Variants in KCNK15 observed in about 807,000 individuals in gnomAD.
The protein encoded by KCNK15 is potassium two pore domain channel subfamily K member 15, also known as potassium channel subfamily K member 15.
Under a neutral mutation model 8.5 loss-of-function variants are expected in KCNK15, and 9 were observed. The ratio of observed to expected loss-of-function variants is 1.06; its 90% confidence interval spans 0.64 to 1.85. The LOEUF (loss-of-function observed/expected upper bound fraction) is 1.85. Among genes scored for constraint, KCNK15 ranks in the 40% most tolerant of loss-of-function variants. The pLI, the probability that KCNK15 is intolerant of heterozygous loss-of-function variation, is 0.00. For synonymous variants in KCNK15, 224 were observed against 232.7 expected, an observed-to-expected ratio of 0.96 and a Z score of 0.34; for missense variants, 467 against 476.8, an observed-to-expected ratio of 0.98 and a Z score of 0.19.
chr20:44,748,171 TAA>T lies in KCNK15; in HGVS notation c.284-1956_284-1955del, dbSNP rs543508465. Among the ~76,000 whole-genome samples the T allele has an allele frequency of 4.6e-5, 7 of 152,268 alleles. No individual in the cohort carries two copies. In the South Asian group the frequency reaches 1.2e-3, roughly 27 times the overall value. ...CAAACAGCTGGAAGCCTTTTATTCCTAAAGAGACTCTTCTGTTTCTCACCAGC... is the reference window on the plus strand; with the variant it reads ...CAAACAGCTGGAAGCCTTTTATTCCTAGAGACTCTTCTGTTTCTCACCAGC... On this transcript the variant is annotated intron_variant, in intron 1 of 1. Transcript: ENST00000372861.
Position 44,750,855 on chromosome 20 carries a change from A to G in KCNK15, c.*17A>G. On this transcript the variant is annotated 3_prime_UTR_variant, in exon 2 of 2. Coordinates refer to ENST00000372861, the MANE Select transcript of KCNK15 (RefSeq NM_022358.4). ...TCCATCTGACAACCCCACCCAGGCC[A>G]GGGTCGAATCTGGAATGGGAGGGTC... 1 of 1,375,980 alleles carries G rather than the reference A, an allele frequency of 7.3e-7. No individual in the cohort carries two copies. The highest frequency in any genetic ancestry group is 9.4e-7 in the Non-Finnish European group (1 of 1,062,994). 85.2% of individuals were successfully genotyped at this position (1,375,980 alleles called of 1,614,324 possible).
chr20:44,746,389 T>A (rs568070741), intron 1 of KCNK15, among the ~76,000 whole-genome samples, 196 bp downstream of exon 1: 75 of 152,312 alleles, frequency 4.9e-4, no homozygotes, highest in Non-Finnish European at 1.0e-3. Context: ...TGAATGGAGC[T>A]GTCAGCCCAC....
At position 44,750,743 on chromosome 20, in the gene KCNK15, G is replaced by A. The variant is rs1294846237; in HGVS notation, c.898G>A (p.Ala300Thr). ...FCHVHKLERC[A>T]RDNLGFSPPS... ...CCACGTGCACAAGCTGGAGAGGTGCGCCCGCGACAACCTGGGCTTTTCGCC... is the reference window on the plus strand; with the variant it reads ...CCACGTGCACAAGCTGGAGAGGTGCACCCGCGACAACCTGGGCTTTTCGCC... The change falls in exon 2 of 2, where the codon GCC becomes ACC. Residue 300 changes from alanine (A) to threonine (T), a missense_variant. By Grantham distance (58) the Ala-to-Thr change is moderately conservative (BLOSUM62 0). Around this residue, in one of 2 missense-constraint regions of KCNK15, gnomAD observed 455 missense variants for 441.2 expected, o/e 1.03. Transcript: ENST00000372861. 6.0e-6 allele frequency: 9 copies of A among 1,505,416 alleles called. No homozygotes were observed. Among genetic ancestry groups the A allele is most frequent in the Non-Finnish European group, 8.0e-6 (9 of 1,130,256 alleles). The allele number at this position is 1,505,416 out of a possible 1,614,324, so 93.3% of individuals were successfully genotyped here.
chr20:44,752,244 C>G lies in KCNK15; in HGVS notation c.*1406C>G. Reference sequence around the variant, plus strand: ...GGGCCTCGGAGACACCATAGGGGAACAGGGAGAGGGGCTCGGTCCCTGGGC... The same window carrying G: ...GGGCCTCGGAGACACCATAGGGGAAGAGGGAGAGGGGCTCGGTCCCTGGGC... On this transcript the variant is annotated 3_prime_UTR_variant, in exon 2 of 2. Transcript: ENST00000372861. The G allele has an allele frequency of 6.6e-6, 1 of 152,288 alleles. No homozygotes were observed. The highest frequency in any genetic ancestry group is 1.9e-4 in the East Asian group (1 of 5,204). The allele number at this position is 152,288 out of a possible 1,614,324, so 9.4% of individuals were successfully genotyped here.
rs766403366 is a variant in KCNK15, at chr20:44,750,667, C to T, written c.822C>T (p.Leu274=). Residue 274 remains leucine, a synonymous_variant, in exon 2 of 2, where the codon CTC becomes CTT. Coordinates refer to ENST00000372861, the MANE Select transcript of KCNK15 (RefSeq NM_022358.4). ...RPPGAPESRG[L]WLPRRPARSV... ...CGGGGGCGCCCGAGAGCCGTGGCCT[C>T]TGGCTGCCCCGCCGCCCGGCCCGCT... The T allele has an allele frequency of 1.0e-5, 15 of 1,480,950 alleles. No homozygotes were observed. The highest frequency in any genetic ancestry group is 5.8e-5 in the East Asian group (2 of 34,588). The allele number at this position is 1,480,950 out of a possible 1,614,324, so 91.7% of individuals were successfully genotyped here. A position where few individuals can be genotyped will look rare whatever the true frequency, so the allele number is the denominator to read the frequency against.
intron 1 of KCNK15, 55 bp from the exon 2 acceptor site, chr20:44,750,074 T>C: frequency 6.6e-7 from 1 of 1,507,516 alleles, no homozygotes; most frequent in Non-Finnish European, 8.9e-7. Context: ...CGGGCGGGAC[T>C]GTTGTCAGCT....
rs374466555 is a variant in KCNK15, at chr20:44,750,748, C to G, written c.903C>G (p.Arg301=). Residue 301 remains arginine (R), a synonymous_variant, in exon 2 of 2, where the codon CGC becomes CGG. Transcript: ENST00000372861. ...TGCACAAGCTGGAGAGGTGCGCCCG[C>G]GACAACCTGGGCTTTTCGCCCCCCT... The part of the protein sequence containing the change: ...CHVHKLERCA[R]DNLGFSPPSS... 4 of 1,519,480 alleles carry G rather than the reference C, an allele frequency of 2.6e-6. No homozygotes were observed. Among genetic ancestry groups the G allele is most frequent in the Non-Finnish European group, 2.6e-6 (3 of 1,139,610 alleles). The allele number at this position is 1,519,480 out of a possible 1,614,324, so 94.1% of individuals were successfully genotyped here.
Position 44,746,172 on chromosome 20 carries a change from A to G in KCNK15, c.262A>G (p.Ile88Val). 1 of 1,405,932 alleles carries G rather than the reference A, an allele frequency of 7.1e-7. No individual in the cohort carries two copies. Among genetic ancestry groups the G allele is most frequent in the Non-Finnish European group, 9.3e-7 (1 of 1,073,222 alleles). 87.1% of individuals were successfully genotyped at this position (1,405,932 alleles called of 1,614,324 possible). ...WKFPGSFYFA[I>V]TVITTIEYGH... ...GTTCCCCGGCTCCTTCTACTTCGCCATCACCGTCATCACTACCATCGGTGA... is the reference window on the plus strand; with the variant it reads ...GTTCCCCGGCTCCTTCTACTTCGCCGTCACCGTCATCACTACCATCGGTGA... Residue 88 changes from isoleucine (I) to valine (V), a missense_variant, in exon 1 of 2, where the codon ATC (isoleucine) becomes GTC (valine). By Grantham distance (29) the Ile-to-Val change is conservative. This residue lies in a region of KCNK15 where 455 missense variants were observed against 441.2 expected (regional missense o/e 1.03). Transcript: ENST00000372861.
chr20:44,745,921 C>G lies in KCNK15; in HGVS notation c.11C>G (p.Pro4Arg). MRR[P>R]SVRAAGLVLC... is the part of the protein sequence containing the mutation. ...CGGGGCCGGGGCGCCATGCGGAGGC[C>G]GAGCGTGCGCGCGGCCGGGCTGGTC... The change falls in exon 1 of 2, where the codon CCG becomes CGG. Residue 4 changes from proline to arginine, a missense_variant. This residue lies in a region of KCNK15 where 12 missense variants were observed against 35.6 expected (regional missense o/e 0.34). Transcript: ENST00000372861. 7.5e-7 allele frequency: 1 copy of G among 1,327,694 alleles called. No homozygotes were observed. The highest frequency in any genetic ancestry group is 9.7e-7 in the Non-Finnish European group (1 of 1,035,520). The allele number at this position is 1,327,694 out of a possible 1,614,324, so 82.2% of individuals were successfully genotyped here. A position where few individuals can be genotyped will look rare whatever the true frequency, so the allele number is the denominator to read the frequency against.
intron 1 of KCNK15, 72 bp from the exon 2 acceptor site, chr20:44,750,057 C>T: frequency 2.1e-6 from 3 of 1,398,226 alleles, no homozygotes; most frequent in Non-Finnish European, 2.9e-6. Flanking sequence ...GCCGGGCAGG[C>T]AGGCTGCGGG....
chr20:44,749,475 A>G (rs2066019868), intron 1 of KCNK15, among the ~76,000 whole-genome samples: 1 of 152,098 alleles, frequency 6.6e-6, no homozygotes, highest in South Asian at 2.1e-4. Context: ...GTCAGGAGAA[A>G]AGGCATGTGG....
chr20:44,748,269 A>G (rs1017596909), intron 1 of KCNK15, among the ~76,000 whole-genome samples: 1 of 152,020 alleles, frequency 6.6e-6, no homozygotes, highest in African/African-American at 2.4e-5. Context: ...TCTGTGCAGG[A>G]CCTTGGTGAT....
chr20:44,748,896 T>C (rs1339046500), intron 1 of KCNK15, among the ~76,000 whole-genome samples: 1 of 152,138 alleles, frequency 6.6e-6, no homozygotes, highest in Non-Finnish European at 1.5e-5. Context: ...CCAGAATGTC[T>C]CCAGATGTTG....
Position 44,750,604 on chromosome 20 carries a change from GC to G in KCNK15, c.762del (p.Glu255SerfsTer110). On this transcript the variant is annotated frameshift_variant, in exon 2 of 2. Coordinates refer to ENST00000372861, the MANE Select transcript of KCNK15 (RefSeq NM_022358.4). LOFTEE classifies it low-confidence loss of function (END_TRUNC). ...GCTTCCTCGTTGCCAGCGCCGACTG[GC>G]CCGAGCGCGCTGCCCGCACCCCCAG... ...LRFLVASADW[P>X]ERAARTPSPR... 1 of 1,603,488 alleles carries G rather than the reference GC, an allele frequency of 6.2e-7. No individual in the cohort carries two copies. Among genetic ancestry groups the G allele is most frequent in the South Asian group, 1.1e-5 (1 of 91,014 alleles).
Position 44,751,251 on chromosome 20 carries a change from A to T in KCNK15, c.*413A>T, listed in dbSNP as rs574887996. ...TCTTCGCTGCAATTAGTGAGGTCAGATGCTCACACTACGAGAAGCATGGGG... is the reference window on the plus strand; with the variant it reads ...TCTTCGCTGCAATTAGTGAGGTCAGTTGCTCACACTACGAGAAGCATGGGG... On this transcript the variant is annotated 3_prime_UTR_variant, in exon 2 of 2. Coordinates refer to ENST00000372861, the MANE Select transcript of KCNK15 (RefSeq NM_022358.4). 3.2e-5 allele frequency: 5 copies of T among 155,972 alleles called. No individual in the cohort carries two copies. The highest frequency in any genetic ancestry group is 1.2e-4 in the African/African-American group (5 of 41,536). The allele number at this position is 155,972 out of a possible 1,614,324, so 9.7% of individuals were successfully genotyped here. A position where few individuals can be genotyped will look rare whatever the true frequency, so the allele number is the denominator to read the frequency against.
Position 44,752,168 on chromosome 20 carries a change from A to C in KCNK15, c.*1330A>C, listed in dbSNP as rs2066036186. The C allele has an allele frequency of 6.6e-6, 1 of 152,352 alleles. No homozygotes were observed. The highest frequency in any genetic ancestry group is 1.5e-5 in the Non-Finnish European group (1 of 68,080). 9.4% of individuals were successfully genotyped at this position (152,352 alleles called of 1,614,324 possible). ...GCGTCGGGTGAGCTCGTGGACGCTA[A>C]TGCTTTCTGTCCACTCTGAGGTGCT... On this transcript the variant is annotated 3_prime_UTR_variant, in exon 2 of 2. Coordinates refer to ENST00000372861, the MANE Select transcript of KCNK15 (RefSeq NM_022358.4).
At chr20:44,750,069 G>C (rs1448471435) in intron 1 of KCNK15, 60 bp from the exon 2 acceptor site, 2 of 1,480,150 alleles carry the variant, frequency 1.4e-6, no homozygotes, top group Non-Finnish European at 1.8e-6. Flanking sequence ...GGCTGCGGGC[G>C]GGACTGTTGT....
At position 44,750,370 on chromosome 20, in the gene KCNK15, C is replaced by T; in HGVS notation, c.525C>T (p.Ala175=). 2 of 1,613,510 alleles carry T rather than the reference C, an allele frequency of 1.2e-6. No individual in the cohort carries two copies. Among genetic ancestry groups the T allele is most frequent in the Non-Finnish European group, 1.7e-6 (2 of 1,179,810 alleles). ...GTGCCGCCACCCTGGCCCTCGGGGC[C>T]GTCGCCTTCTCGCACTTCGAGGGCT... The part of the protein sequence containing the change: ...LACAATLALG[A]VAFSHFEGWT... Residue 175 remains alanine, a synonymous_variant, in exon 2 of 2, where the codon GCC becomes GCT. Transcript: ENST00000372861.
chr20:44,746,331 A>ATCTCCTTCGCCTCCCTCG, intron 1 of KCNK15, 138 bp downstream of exon 1: 2 of 713,914 alleles, frequency 2.8e-6, no homozygotes, highest in Non-Finnish European at 4.0e-6. Flanking sequence ...AGCCTCCCTC[A>ATCTCCTTCGCCTCCCTCG]TCTCCTTCGC....
Sources: gnomAD v4.1 joint callset for allele counts (sites outside exome capture counted in the v4.1 genomes callset) on GRCh38, gnomAD v4.1.1 for gene constraint, gnomAD v4.1.1 regional missense constraint, MANE v1.5 for transcripts, NCBI Gene and HGNC (gene_info 2026-07-23, HGNC 2026-07-21) for gene names.